Variants in RBFOX1 observed in about 807,000 individuals in gnomAD.
The protein encoded by RBFOX1 is RNA binding fox-1 homolog 1.
RBFOX1 carries 8 observed loss-of-function variants against 57.7 expected under a neutral mutation model. The ratio of observed to expected loss-of-function variants is 0.14; its 90% CI spans 0.08 to 0.25. The LOEUF is 0.25. Among genes scored for constraint, RBFOX1 ranks in the 10% least tolerant of loss-of-function variants. RBFOX1 has a pLI of 1.00. For missense variants in RBFOX1, 611 were observed against 548.5 expected, an observed-to-expected ratio of 1.11 and a Z score of -1.14; for synonymous variants, 326 against 222.4, an observed-to-expected ratio of 1.47 and a Z score of -4.15.
At chr16:7,490,597 C>G (rs1300274547) in intron 4 of RBFOX1, among the ~76,000 whole-genome samples, 22 of 152,200 alleles carry the variant, frequency 1.4e-4, no homozygotes, top group Non-Finnish European at 2.2e-4. Context: ...TTAACTCCCA[C>G]ATTAACTTGG....
At chr16:5,736,431 G>T (rs899976802) in intron 3 of RBFOX1, among the ~76,000 whole-genome samples, 1 of 151,866 alleles carries the variant, frequency 6.6e-6, no homozygotes, top group Non-Finnish European at 1.5e-5. Context: ...AGCCACCCAC[G>T]GCCATATGGG....
At chr16:6,708,633 A>G (rs1603449281) in intron 3 of RBFOX1, among the ~76,000 whole-genome samples, 2 of 152,350 alleles carry the variant, frequency 1.3e-5, no homozygotes, top group Middle Eastern at 3.4e-3. Context: ...GCGATTTGCT[A>G]TGACAAATCT....
chr16:6,283,256 G>C (rs1036083857), intron 1 of RBFOX1, among the ~76,000 whole-genome samples: 1 of 152,230 alleles, frequency 6.6e-6, no homozygotes, highest in South Asian at 2.1e-4. Flanking sequence ...GAACCCCGGA[G>C]GTTGAGCCTA....
At chr16:7,424,081 A>T (rs1456173173) in intron 4 of RBFOX1, among the ~76,000 whole-genome samples, 1 of 152,174 alleles carries the variant, frequency 6.6e-6, no homozygotes, top group East Asian at 1.9e-4. Context: ...TCTTTGGTTT[A>T]TTCTGAGTCT....
chr16:6,854,912 A>G (rs1346066714), intron 3 of RBFOX1, among the ~76,000 whole-genome samples: 2 of 151,702 alleles, frequency 1.3e-5, no homozygotes, highest in South Asian at 2.1e-4. Flanking sequence ...TAATTTTTTT[A>G]TTCTGGTTTC....
chr16:5,692,045 C>T (rs1328877920), intron 3 of RBFOX1, among the ~76,000 whole-genome samples: 1 of 151,956 alleles, frequency 6.6e-6, no homozygotes, highest in African/African-American at 2.4e-5. Context: ...ATTCTGTGTA[C>T]ATCCCCAAAT....
chr16:5,589,567 G>T (rs1242044113), intron 2 of RBFOX1, among the ~76,000 whole-genome samples: 1 of 152,174 alleles, frequency 6.6e-6, no homozygotes, highest in Non-Finnish European at 1.5e-5. Flanking sequence ...TCCAGAGCCT[G>T]TTTAACCCTC....
intron 1 of RBFOX1, among the ~76,000 whole-genome samples, chr16:5,420,944 C>T (rs1443177291): frequency 7.4e-6 from 1 of 135,168 alleles, no homozygotes; most frequent in Non-Finnish European, 1.6e-5. Flanking sequence ...TCCCCTTCCT[C>T]CTGCTTTTCC....
chr16:7,186,792 C>T (rs1472376628), intron 4 of RBFOX1, among the ~76,000 whole-genome samples: 2 of 150,856 alleles, frequency 1.3e-5, no homozygotes, highest in African/African-American at 4.9e-5. Context: ...TCTATCCTGC[C>T]ATCAAGTATC....
intron 3 of RBFOX1, among the ~76,000 whole-genome samples, chr16:6,745,753 C>T (rs147878580): frequency 2.0e-5 from 3 of 152,298 alleles, no homozygotes; most frequent in Non-Finnish European, 4.4e-5. Flanking sequence ...TTTATGCTTT[C>T]ACCACTTCCC....
chr16:5,599,048 C>A, exon 3 of RBFOX1: 1 of 1,210,540 alleles, frequency 8.3e-7, no homozygotes, highest in Non-Finnish European at 1.2e-6. Flanking sequence ...TCATCAATCA[C>A]CGGGAATGGT....
intron 3 of RBFOX1, among the ~76,000 whole-genome samples, chr16:5,856,796 C>G (rs2057083547): frequency 6.6e-6 from 1 of 151,318 alleles, no homozygotes; most frequent in Admixed American, 6.6e-5. Context: ...GGGTCTTGCT[C>G]TGGGTTGGGC....
At chr16:6,598,744 G>C (rs57261013) in intron 2 of RBFOX1, among the ~76,000 whole-genome samples, 2 of 152,156 alleles carry the variant, frequency 1.3e-5, no homozygotes, top group Middle Eastern at 3.4e-3. Flanking sequence ...TTGGGAGTTC[G>C]AGACCAGCCG....
chr16:6,340,446 T>C (rs2084394160), intron 2 of RBFOX1, among the ~76,000 whole-genome samples: 1 of 152,212 alleles, frequency 6.6e-6, no homozygotes, highest in South Asian at 2.1e-4. Flanking sequence ...AATAAAGGAA[T>C]GGCTACCTCA....
intron 1 of RBFOX1, among the ~76,000 whole-genome samples, chr16:6,203,805 A>G (rs1254351269): frequency 6.6e-6 from 1 of 152,116 alleles, no homozygotes; most frequent in Non-Finnish European, 1.5e-5. Context: ...TGGCTCAAAA[A>G]CTTAAAAATA....
intron 4 of RBFOX1, among the ~76,000 whole-genome samples, chr16:7,285,770 A>C (rs1253038849): frequency 2.0e-5 from 3 of 152,172 alleles, no homozygotes; most frequent in African/African-American, 7.2e-5. Context: ...CAGTTTGTTT[A>C]ACCATTCATC....
intron 3 of RBFOX1, among the ~76,000 whole-genome samples, chr16:6,843,589 T>C (rs1380943742): frequency 6.6e-6 from 1 of 152,122 alleles, no homozygotes; most frequent in Admixed American, 6.5e-5. Context: ...CTCAGGACGT[T>C]GAGGCAGGAG....
intron 1 of RBFOX1, among the ~76,000 whole-genome samples, chr16:6,306,880 A>G (rs2079572880): frequency 1.3e-5 from 2 of 152,186 alleles, no homozygotes; most frequent in Admixed American, 6.5e-5. Context: ...TGGTGGAAAC[A>G]TGGAATTCTC....
At chr16:5,500,654 C>T (rs2043162043) in intron 2 of RBFOX1, among the ~76,000 whole-genome samples, 1 of 152,206 alleles carries the variant, frequency 6.6e-6, no homozygotes, top group African/African-American at 2.4e-5. Context: ...ACACCATCCT[C>T]AGCCAGCAGC....
Sources: allele counts gnomAD v4.1 joint callset (sites outside exome capture counted in the v4.1 genomes callset), GRCh38; gene constraint gnomAD v4.1.1; transcripts MANE v1.5; gene names NCBI Gene and HGNC (gene_info 2026-07-23, HGNC 2026-07-21).